The following SEMA5A variants were observed in gnomAD, a reference collection of about 807,000 sequenced individuals.
SEMA5A encodes semaphorin-5A.
Under a neutral mutation model 135.5 loss-of-function variants are expected in SEMA5A, and 55 were observed. The ratio of observed to expected loss-of-function variants is 0.41; its 90% CI spans 0.33 to 0.51. SEMA5A has a LOEUF of 0.51. SEMA5A is among the 20% of genes least tolerant of loss of function. The probability of loss-of-function intolerance (pLI) is 0.37; values close to 1 mark genes in which losing one functional copy is unlikely to be tolerated. For missense variants in SEMA5A, 1,290 were observed against 1,419.9 expected (o/e 0.91, Z 1.47); for synonymous variants, 580 against 546.5 (o/e 1.06, Z -0.85).
At chr5:9,077,888 T>C (rs1397804361) in intron 16 of SEMA5A, among the ~76,000 whole-genome samples, 3 of 152,212 alleles carry the variant, frequency 2.0e-5, no homozygotes, top group Non-Finnish European at 4.4e-5. Context: ...ACAACATATA[T>C]ATGTGCGTGT....
intron 5 of SEMA5A, among the ~76,000 whole-genome samples, chr5:9,247,054 A>C (rs978404897): frequency 6.6e-6 from 1 of 152,170 alleles, no homozygotes; most frequent in African/African-American, 2.4e-5. Context: ...CAATCTTTTT[A>C]TTTTGAGGCA....
In SEMA5A at chr5:9,146,298, T is replaced by C. The variant is rs951075961; in HGVS notation, c.1481+8190A>G. Among the ~76,000 whole-genome samples, 10 of 152,194 alleles carry C rather than the reference T, an allele frequency of 6.6e-5. No homozygotes were observed. In the East Asian group the frequency reaches 1.9e-3, roughly 29 times the overall value. ...AACTCGGTGCATTTACTTTCTGCCA[T>C]TTCTCTATTTTTAAAAACAGATTTA... On this transcript the variant is annotated intron_variant, in intron 12 of 22. Coordinates refer to ENST00000382496, the MANE Select transcript of SEMA5A (RefSeq NM_003966.3).
At chr5:9,059,334 A>G (rs760139973) in intron 18 of SEMA5A, among the ~76,000 whole-genome samples, 1 of 152,178 alleles carries the variant, frequency 6.6e-6, no homozygotes, top group Non-Finnish European at 1.5e-5. Context: ...GCATTGAGGA[A>G]AAGGAGTGAA....
chr5:9,472,076 A>G (rs1002965128), intron 1 of SEMA5A, among the ~76,000 whole-genome samples: 2 of 152,256 alleles, frequency 1.3e-5, no homozygotes, highest in Non-Finnish European at 2.9e-5. Flanking sequence ...TACATGTGCC[A>G]TGTTGGTGTG....
intron 2 of SEMA5A, among the ~76,000 whole-genome samples, chr5:9,412,891 G>C (rs1757154434): frequency 6.6e-6 from 1 of 152,078 alleles, no homozygotes; most frequent in Non-Finnish European, 1.5e-5. Context: ...TTTTAGATTA[G>C]AGATGCTCAT....
At chr5:9,505,285 C>T (rs767262177) in intron 1 of SEMA5A, among the ~76,000 whole-genome samples, 9 of 152,172 alleles carry the variant, frequency 5.9e-5, no homozygotes, top group African/African-American at 2.2e-4. Context: ...AAAAGCATTT[C>T]GCTTTCAGTA....
At chr5:9,086,989 C>T (rs1223876149) in intron 16 of SEMA5A, among the ~76,000 whole-genome samples, 3 of 152,174 alleles carry the variant, frequency 2.0e-5, no homozygotes, top group Non-Finnish European at 4.4e-5. Context: ...AGCAACTCTG[C>T]TGCTTTCTCT....
intron 1 of SEMA5A, among the ~76,000 whole-genome samples, chr5:9,508,304 G>A (rs767773301): frequency 2.0e-5 from 3 of 152,134 alleles, no homozygotes; most frequent in East Asian, 1.9e-4. Context: ...ACCGCATCCA[G>A]TAGTCACCGA....
chr5:9,314,578 A>G (rs1165943606), intron 5 of SEMA5A, among the ~76,000 whole-genome samples: 1 of 152,102 alleles, frequency 6.6e-6, no homozygotes, highest in East Asian at 1.9e-4. Flanking sequence ...CGGCACTGTT[A>G]TAAGACCCTT....
intron 4 of SEMA5A, among the ~76,000 whole-genome samples, chr5:9,333,060 G>A (rs1753228077): frequency 6.6e-6 from 1 of 152,174 alleles, no homozygotes; most frequent in Non-Finnish European, 1.5e-5. Context: ...GGAAAAGTAA[G>A]AGAATCAGAA....
intron 1 of SEMA5A, among the ~76,000 whole-genome samples, chr5:9,482,152 G>T (rs1050134865): frequency 1.3e-5 from 2 of 152,190 alleles, no homozygotes; most frequent in African/African-American, 4.8e-5. Context: ...AGAGTGGGAT[G>T]CCCGTGAATA....
chr5:9,402,341 T>G (rs1023202716), intron 2 of SEMA5A, among the ~76,000 whole-genome samples: 2 of 152,230 alleles, frequency 1.3e-5, no homozygotes, highest in African/African-American at 4.8e-5. Flanking sequence ...TTATCTATGA[T>G]TCCTCCATGC....
intron 12 of SEMA5A, 30 bp from the exon 13 acceptor site, chr5:9,136,651 A>T (rs1741773177): frequency 1.3e-6 from 2 of 1,576,100 alleles, no homozygotes; most frequent in African/African-American, 1.3e-5. Context: ...GGTCAACAGA[A>T]AGGTCGCTTT....
chr5:9,172,272 T>C (rs961298768), intron 11 of SEMA5A, among the ~76,000 whole-genome samples: 3 of 152,222 alleles, frequency 2.0e-5, no homozygotes, highest in African/African-American at 7.2e-5. Flanking sequence ...CAATATGATT[T>C]CTAATTGAAG....
intron 1 of SEMA5A, among the ~76,000 whole-genome samples, chr5:9,462,985 T>TTA (rs567731123): frequency 7.9e-6 from 1 of 127,208 alleles, no homozygotes; most frequent in Non-Finnish European, 1.7e-5. Context: ...AAATAAAAGT[T>TTA]AAAAAAAAAA....
chr5:9,230,987 A>C (rs1747598624), intron 6 of SEMA5A, among the ~76,000 whole-genome samples: 1 of 152,234 alleles, frequency 6.6e-6, no homozygotes, highest in Non-Finnish European at 1.5e-5. Flanking sequence ...TAATTCACAG[A>C]TTGTGAATTC....
chr5:9,054,072 T>G lies in SEMA5A; in HGVS notation c.2689+15A>C, dbSNP rs777693456. On this transcript the variant is annotated intron_variant, in intron 19 of 22. Transcript: ENST00000382496. ...ATTTGTCTGAAAGCTGTGCAGTAGG[T>G]GAGGTGCCGCTTACCTGGGCAGGGC... is the stretch of plus-strand genomic sequence containing the variant. 6 of 1,596,716 alleles carry G rather than the reference T, an allele frequency of 3.8e-6. No homozygotes were observed. In the Admixed American group the frequency reaches 1.1e-4, roughly 28 times the overall value.
At chr5:9,212,913 C>T (rs572008887) in intron 8 of SEMA5A, among the ~76,000 whole-genome samples, 1 of 152,284 alleles carries the variant, frequency 6.6e-6, no homozygotes, top group South Asian at 2.1e-4. Context: ...ACAAAAAATA[C>T]CATAAACTCG....
At chr5:9,131,119 T>A (rs1446805277) in intron 13 of SEMA5A, among the ~76,000 whole-genome samples, 1 of 152,186 alleles carries the variant, frequency 6.6e-6, no homozygotes, top group East Asian at 1.9e-4. Flanking sequence ...TGCATTTCTG[T>A]AAAGGAATAC....
Sources: gnomAD v4.1 joint callset for allele counts (sites outside exome capture counted in the v4.1 genomes callset) on GRCh38, gnomAD v4.1.1 for gene constraint, MANE v1.5 for transcripts, NCBI Gene and HGNC (gene_info 2026-07-23, HGNC 2026-07-21) for gene names.